The following RFTN2 variants were observed in gnomAD, a reference collection of about 807,000 sequenced individuals.
RFTN2 encodes the protein raftlin-2.
Under a neutral mutation model 52.7 loss-of-function variants are expected in RFTN2, and 34 were observed. The ratio of observed to expected loss-of-function variants is 0.64; its 90% CI spans 0.49 to 0.86. RFTN2 has a LOEUF of 0.86. Ranked by LOEUF, RFTN2 falls within the 40% of genes least tolerant of loss-of-function variation. The pLI is 0.00. For missense variants in RFTN2, 536 were observed against 600.1 expected, an observed-to-expected ratio of 0.89 and a Z score of 1.12; for synonymous variants, 203 against 217.7, an observed-to-expected ratio of 0.93 and a Z score of 0.59.
intron 1 of RFTN2, among the ~76,000 whole-genome samples, chr2:197,668,086 G>A (rs909995925): frequency 6.6e-6 from 1 of 152,168 alleles, no homozygotes; most frequent in Non-Finnish European, 1.5e-5. Context: ...GGTGGGCTGT[G>A]TAGGCCAGTC....
chr2:197,650,062 T>C (rs2088803866), intron 1 of RFTN2, among the ~76,000 whole-genome samples: 1 of 152,076 alleles, frequency 6.6e-6, no homozygotes, highest in Non-Finnish European at 1.5e-5. Context: ...GCTAAAATGG[T>C]AAATTTCATG....
rs939971104 is a variant in RFTN2 at position 197,615,877 on chromosome 2, T to C, written c.1153A>G (p.Ser385Gly). 2.6e-6 allele frequency: 4 copies of C among 1,526,682 alleles called. No individual in the cohort carries two copies. The East Asian group carries it at 7.3e-5, about 28-fold the overall frequency. 94.6% of individuals were successfully genotyped at this position (1,526,682 alleles called of 1,614,324 possible). ...VLPTPVLRHDSEGNLATKQIV... is the reference protein window; with the variant it reads ...VLPTPVLRHDGEGNLATKQIV... The stretch of plus-strand genomic sequence containing the variant: ...TATGTAAGGATACTTTTGCCTTACC[T>C]GTCATGTCTCAATACAGGTGTGGGC... The change falls in exon 7 of 9, where the codon AGT becomes GGT. Residue 385 changes from serine to glycine, a missense_variant and splice_region_variant. Transcript: ENST00000295049.
intron 7 of RFTN2, among the ~76,000 whole-genome samples, chr2:197,596,541 T>C (rs954873738): frequency 1.3e-5 from 2 of 152,364 alleles, no homozygotes; most frequent in East Asian, 3.9e-4. Flanking sequence ...TACCAAAATG[T>C]ACTAAGCCTT....
intron 3 of RFTN2, among the ~76,000 whole-genome samples, chr2:197,637,061 G>A (rs1252332323): frequency 6.6e-6 from 1 of 150,846 alleles, no homozygotes; most frequent in Admixed American, 6.6e-5. Flanking sequence ...TGTGTATATT[G>A]AACCAGCCTT....
intron 3 of RFTN2, among the ~76,000 whole-genome samples, chr2:197,643,468 C>T (rs1328516695): frequency 6.6e-6 from 1 of 152,108 alleles, no homozygotes; most frequent in Non-Finnish European, 1.5e-5. Flanking sequence ...GGTATTAGTT[C>T]TCAGTTTTTA....
chr2:197,574,690 A>G (rs983647453), intron 8 of RFTN2, among the ~76,000 whole-genome samples: 16 of 152,182 alleles, frequency 1.1e-4, no homozygotes, highest in Non-Finnish European at 2.2e-4. Context: ...CAACATGGTG[A>G]AACCTCATCT....
intron 7 of RFTN2, among the ~76,000 whole-genome samples, chr2:197,598,552 G>A (rs1344029343): frequency 6.6e-6 from 1 of 152,162 alleles, no homozygotes; most frequent in African/African-American, 2.4e-5. Context: ...GACCTTACAG[G>A]GAGTTCTTTC....
At chr2:197,669,775 T>C (rs192171645) in intron 1 of RFTN2, among the ~76,000 whole-genome samples, 1 of 152,172 alleles carries the variant, frequency 6.6e-6, no homozygotes, top group African/African-American at 2.4e-5. Flanking sequence ...CCAGTACCAG[T>C]CTGCAGCCTG....
intron 1 of RFTN2, among the ~76,000 whole-genome samples, chr2:197,654,814 A>G (rs1164757290): frequency 6.6e-6 from 1 of 152,168 alleles, no homozygotes; most frequent in Non-Finnish European, 1.5e-5. Flanking sequence ...CCTGGCCAGC[A>G]TGGTGAAACG....
At chr2:197,632,041 G>A (rs1279927189) in intron 4 of RFTN2, among the ~76,000 whole-genome samples, 4 of 152,162 alleles carry the variant, frequency 2.6e-5, no homozygotes, top group Non-Finnish European at 5.9e-5. Context: ...TACTGAGAGA[G>A]AGGAATCTAA....
intron 8 of RFTN2, among the ~76,000 whole-genome samples, chr2:197,589,896 T>C (rs190958008): frequency 6.6e-6 from 1 of 152,290 alleles, no homozygotes; most frequent in African/African-American, 2.4e-5. Flanking sequence ...GATTATGCTT[T>C]TGGTCTTATG....
In RFTN2 at chr2:197,618,601, G is replaced by C. The variant is rs2088192189; in HGVS notation, c.929-680C>G. ...CTGGCTGCCCAGTCTGGAAAGTGAG[G>C]AGTGTCTCTGCCCGGCCACCATCCC... On this transcript the variant is annotated intron_variant, in intron 5 of 8. Coordinates refer to ENST00000295049, the MANE Select transcript of RFTN2 (RefSeq NM_144629.3). 2.0e-5 allele frequency among the ~76,000 whole-genome samples: 3 copies of C among 151,598 alleles called. No homozygotes were observed. In the South Asian group the frequency reaches 6.3e-4, roughly 32 times the overall value.
intron 8 of RFTN2, among the ~76,000 whole-genome samples, chr2:197,584,094 C>A (rs2087555704): frequency 6.6e-6 from 1 of 152,146 alleles, no homozygotes. Context: ...CATACATGTG[C>A]ATGTGTCTTC....
chr2:197,638,742 T>G (rs1277791754), intron 3 of RFTN2, among the ~76,000 whole-genome samples: 1 of 134,376 alleles, frequency 7.4e-6, no homozygotes, highest in Non-Finnish European at 1.6e-5. Context: ...CATTTACATT[T>G]AAAGTTAATA....
intron 6 of RFTN2, among the ~76,000 whole-genome samples, chr2:197,616,443 C>T (rs955455257): frequency 4.6e-5 from 7 of 151,912 alleles, no homozygotes; most frequent in Non-Finnish European, 8.8e-5. Flanking sequence ...AGGTGCATGA[C>T]ACTATGCCTG....
chr2:197,608,281 G>A (rs1553601397), intron 7 of RFTN2, among the ~76,000 whole-genome samples: 1 of 149,210 alleles, frequency 6.7e-6, no homozygotes, highest in African/African-American at 2.5e-5. Flanking sequence ...AATTTCTCTT[G>A]TTATTCACAT....
chr2:197,575,077 AT>A (rs990529826), intron 8 of RFTN2, among the ~76,000 whole-genome samples: 14 of 152,108 alleles, frequency 9.2e-5, no homozygotes, highest in Non-Finnish European at 2.1e-4. Context: ...GTGGGAGGTA[AT>A]TGAATCATGG....
rs1374116332 is a variant in RFTN2, at chr2:197,626,642, G to C, written c.928+4369C>G. ...CTTTTTTTTTTTTTTTTTTTTTTGA[G>C]ACGGAGTCTTGCACTGTCGCCTGGG... On this transcript the variant is annotated intron_variant, in intron 5 of 8. Transcript: ENST00000295049. Among the ~76,000 whole-genome samples, 47 of 52,398 alleles carry C rather than the reference G, an allele frequency of 9.0e-4. No homozygotes were observed. The Admixed American group carries it at 0.012, about 13-fold the overall frequency. The allele number at this position is 52,398 out of a possible 152,430, so 34.4% of individuals were successfully genotyped here. A position where few individuals can be genotyped will look rare whatever the true frequency, so the allele number is the denominator to read the frequency against.
chr2:197,590,758 A>AGAG (rs2087694742), intron 8 of RFTN2, among the ~76,000 whole-genome samples: 1 of 151,846 alleles, frequency 6.6e-6, no homozygotes, highest in African/African-American at 2.4e-5. Context: ...ACAGCTCTTA[A>AGAG]CGTGGCGCGT....
Sources: allele counts gnomAD v4.1 joint callset (sites outside exome capture counted in the v4.1 genomes callset), GRCh38; gene constraint gnomAD v4.1.1; transcripts MANE v1.5; gene names NCBI Gene and HGNC (gene_info 2026-07-23, HGNC 2026-07-21).